CFAP91: variants seen among roughly 807,000 people sequenced by gnomAD.
CFAP91 encodes cilia- and flagella-associated protein 91.
Under a neutral mutation model 95.9 loss-of-function variants are expected in CFAP91, and 85 were observed. That is an observed-to-expected ratio of 0.89 (90% CI 0.74 to 1.06). The LOEUF (loss-of-function observed/expected upper bound fraction) is 1.06, where lower values mean the gene tolerates loss of function less well. Among genes scored for constraint, CFAP91 ranks in the 50% least tolerant of loss-of-function variants. The probability of loss-of-function intolerance (pLI) is 0.00; values close to 1 mark genes in which losing one functional copy is unlikely to be tolerated. For missense variants in CFAP91, 962 were observed against 943.4 expected, an observed-to-expected ratio of 1.02 and a Z score of -0.26; for synonymous variants, 335 against 327.5, an observed-to-expected ratio of 1.02 and a Z score of -0.25.
In CFAP91 at chr3:119,703,150, C is replaced by T. The variant is rs1230461350; in HGVS notation, c.52C>T (p.Gln18Ter). 5.6e-6 allele frequency: 9 copies of T among 1,596,796 alleles called. No individual in the cohort carries two copies. The highest frequency in any genetic ancestry group is 7.7e-6 in the Non-Finnish European group (9 of 1,171,388). ...EEPQAQPQVS[Q>*]TRYRERSRAG... ...GCCCCAGGCCCAGCCGCAGGTGTCT[C>T]AAACTCGGTACCGGGAGAGGTCGCG... Residue 18 changes from glutamine to a stop codon, truncating the protein, a stop_gained, in exon 1 of 18, where the codon CAA becomes TAA. Coordinates refer to ENST00000273390, the MANE Select transcript of CFAP91 (RefSeq NM_033364.4). LOFTEE classifies it high-confidence loss of function.
At chr3:119,759,412 GA>G (rs2054493081) in intron 17 of CFAP91, among the ~76,000 whole-genome samples, 2 of 151,912 alleles carry the variant, frequency 1.3e-5, no homozygotes, top group Non-Finnish European at 2.9e-5. Context: ...GGAGCTTATG[GA>G]ATACTATTTC....
At chr3:119,714,746 C>T (rs1286823520) in intron 5 of CFAP91, among the ~76,000 whole-genome samples, 1 of 152,114 alleles carries the variant, frequency 6.6e-6, no homozygotes, top group East Asian at 1.9e-4. Context: ...TGTTCCAAAA[C>T]CTTTTTCTAA....
At chr3:119,731,889 G>A (rs2053905155) in intron 8 of CFAP91, among the ~76,000 whole-genome samples, 1 of 152,218 alleles carries the variant, frequency 6.6e-6, no homozygotes, top group African/African-American at 2.4e-5. Context: ...AGATGAACCT[G>A]TAGTCTTTGC....
At chr3:119,759,120 C>A (rs1264311295) in intron 17 of CFAP91, among the ~76,000 whole-genome samples, 1 of 151,946 alleles carries the variant, frequency 6.6e-6, no homozygotes, top group Non-Finnish European at 1.5e-5. Context: ...CCTTACTCTA[C>A]AGCAATTACA....
intron 5 of CFAP91, among the ~76,000 whole-genome samples, chr3:119,711,087 G>T (rs1177999364): frequency 6.6e-6 from 1 of 152,134 alleles, no homozygotes; most frequent in African/African-American, 2.4e-5. Context: ...TGCATTTAAA[G>T]AATATAGTTA....
At position 119,765,765 on chromosome 3, in the gene CFAP91, CA is replaced by C. The variant is rs1231763964; in HGVS notation, c.*718del. 1.3e-5 allele frequency: 2 copies of C among 151,944 alleles called. No individual in the cohort carries two copies. Among genetic ancestry groups the C allele is most frequent in the Non-Finnish European group, 2.9e-5 (2 of 67,984 alleles). 9.4% of individuals were successfully genotyped at this position (151,944 alleles called of 1,614,324 possible). A position where few individuals can be genotyped will look rare whatever the true frequency, so the allele number is the denominator to read the frequency against. On this transcript the variant is annotated 3_prime_UTR_variant, in exon 18 of 18. Transcript: ENST00000273390. ...GGATTCTTCCTGATTCAAAGACTGT[CA>C]AATAGGAAAAAAGAAAACAGTAAAT... is the stretch of plus-strand genomic sequence containing the variant.
chr3:119,721,943 A>G (rs1553706979), intron 6 of CFAP91, among the ~76,000 whole-genome samples: 1 of 152,110 alleles, frequency 6.6e-6, no homozygotes, highest in Non-Finnish European at 1.5e-5. Context: ...TGGGATGCCA[A>G]GGCAGGAGGA....
intron 1 of CFAP91, chr3:119,706,570 A>G (rs1377470140): frequency 8.5e-6 from 4 of 468,714 alleles, no homozygotes; most frequent in Non-Finnish European, 1.5e-5. Flanking sequence ...TATGAATTCC[A>G]CTTCCGTAAG....
rs755612934 is a variant in CFAP91, at chr3:119,703,156, C to A, written c.58C>A (p.Arg20=). 1 of 1,600,990 alleles carries A rather than the reference C, an allele frequency of 6.2e-7. No individual in the cohort carries two copies. Among genetic ancestry groups the A allele is most frequent in the South Asian group, 1.1e-5 (1 of 89,114 alleles). The stretch of plus-strand genomic sequence containing the variant: ...GGCCCAGCCGCAGGTGTCTCAAACT[C>A]GGTACCGGGAGAGGTCGCGGGCTGG... ...PQAQPQVSQT[R]YRERSRAGSH... is the part of the protein sequence containing the mutation. The change falls in exon 1 of 18, where the codon CGG becomes AGG. Residue 20 remains arginine, a synonymous_variant. Transcript: ENST00000273390.
Position 119,766,738 on chromosome 3 carries a change from C to T in CFAP91, c.*1688C>T, listed in dbSNP as rs552788815. On this transcript the variant is annotated 3_prime_UTR_variant, in exon 18 of 18. Coordinates refer to ENST00000273390, the MANE Select transcript of CFAP91 (RefSeq NM_033364.4). ...GCACTCGATGACACAGAAATGAATG[C>T]ACATGACTGTGTTCCAGTAAAATTT... The T allele has an allele frequency of 7.9e-5, 12 of 152,168 alleles. No homozygotes were observed. Among genetic ancestry groups the T allele is most frequent in the African/African-American group, 2.7e-4 (11 of 41,504 alleles). 9.4% of individuals were successfully genotyped at this position (152,168 alleles called of 1,614,324 possible). A position where few individuals can be genotyped will look rare whatever the true frequency, so the allele number is the denominator to read the frequency against.
intron 17 of CFAP91, chr3:119,752,195 G>A (rs548692305): frequency 3.9e-5 from 6 of 152,162 alleles, no homozygotes; most frequent in African/African-American, 1.4e-4. Context: ...GTTGGGGAGA[G>A]TACTGGGGCT....
At chr3:119,756,563 T>C (rs2054433914) in intron 17 of CFAP91, among the ~76,000 whole-genome samples, 1 of 152,040 alleles carries the variant, frequency 6.6e-6, no homozygotes, top group Admixed American at 6.5e-5. Context: ...GAAACAGCAA[T>C]AATAGGAGCA....
chr3:119,730,081 A>G (rs979454292), intron 7 of CFAP91, 139 bp from the exon 8 acceptor site: 7 of 800,802 alleles, frequency 8.7e-6, no homozygotes, highest in Non-Finnish European at 1.4e-5. Flanking sequence ...TTCATCTGTC[A>G]TACTTTTGCC....
At chr3:119,728,103 C>T (rs562810557) in intron 7 of CFAP91, among the ~76,000 whole-genome samples, 1 of 150,562 alleles carries the variant, frequency 6.6e-6, no homozygotes, top group Admixed American at 6.6e-5. Context: ...TGGTAAGGAG[C>T]TCTGTCAATA....
chr3:119,756,441 T>C (rs2054429891), intron 17 of CFAP91, among the ~76,000 whole-genome samples: 1 of 152,042 alleles, frequency 6.6e-6, no homozygotes, highest in Non-Finnish European at 1.5e-5. Flanking sequence ...ACACAAGAAA[T>C]TATTAAAGGG....
intron 9 of CFAP91, 138 bp downstream of exon 9, chr3:119,732,614 TA>T (rs1246522569): frequency 3.2e-6 from 2 of 623,466 alleles, no homozygotes; most frequent in Non-Finnish European, 5.4e-6. Flanking sequence ...TACAAACCAA[TA>T]AAAACTACTA....
chr3:119,703,232 G>GCCGCAGACCTTCCT lies in CFAP91; in HGVS notation c.124+15_124+28dup. ...TATGATTTTCTGTACGGTAAGGACC[G>GCCGCAGACCTTCCT]CCGCAGACCTTCCTCCGCGTCCGTC... On this transcript the variant is annotated intron_variant, in intron 1 of 17. Coordinates refer to ENST00000273390, the MANE Select transcript of CFAP91 (RefSeq NM_033364.4). The GCCGCAGACCTTCCT allele has an allele frequency of 6.2e-7, 1 of 1,610,890 alleles. No individual in the cohort carries two copies. Among genetic ancestry groups the GCCGCAGACCTTCCT allele is most frequent in the Non-Finnish European group, 8.5e-7 (1 of 1,178,570 alleles).
Position 119,766,821 on chromosome 3 carries a change from G to A in CFAP91, c.*1771G>A, listed in dbSNP as rs116381699. 2.9e-3 allele frequency: 447 copies of A among 152,202 alleles called. 3 individuals are homozygous for A. Among genetic ancestry groups the A allele is most frequent in the African/African-American group, 0.01 (420 of 41,532 alleles). The allele number at this position is 152,202 out of a possible 1,614,324, so 9.4% of individuals were successfully genotyped here. On this transcript the variant is annotated 3_prime_UTR_variant, in exon 18 of 18. Coordinates refer to ENST00000273390, the MANE Select transcript of CFAP91 (RefSeq NM_033364.4). ...AGGATTTAAAGTAGCTTCTAATAAA[G>A]GACATGTGTAATGAAACTTAAAATA...
chr3:119,725,409 C>G (rs1415439504), intron 6 of CFAP91, among the ~76,000 whole-genome samples: 1 of 152,126 alleles, frequency 6.6e-6, no homozygotes, highest in Non-Finnish European at 1.5e-5. Flanking sequence ...GGGACAAAAC[C>G]CAAAGATGGT....
Sources: gnomAD v4.1 joint callset for allele counts (sites outside exome capture counted in the v4.1 genomes callset) on GRCh38, gnomAD v4.1.1 for gene constraint, MANE v1.5 for transcripts, NCBI Gene and HGNC (gene_info 2026-07-23, HGNC 2026-07-21) for gene names.